The following ESRRG variants were observed in gnomAD, a reference collection of about 807,000 sequenced individuals.
The protein encoded by ESRRG is estrogen related receptor gamma.
A neutral mutation model predicts 44.0 loss-of-function variants in ESRRG; 13 were observed. The ratio of observed to expected loss-of-function variants is 0.30; its 90% CI spans 0.19 to 0.47. ESRRG has a LOEUF of 0.47. ESRRG is among the 20% of genes least tolerant of loss of function. The pLI is 1.00. For synonymous variants in ESRRG, 215 were observed against 214.6 expected (o/e 1.00, Z -0.02); for missense variants, 395 against 580.6 (o/e 0.68, Z 3.29).
intron 2 of ESRRG, among the ~76,000 whole-genome samples, chr1:216,730,426 C>T (rs1440221836): frequency 2.6e-5 from 4 of 151,760 alleles, no homozygotes; most frequent in African/African-American, 7.3e-5. Flanking sequence ...AATTATTGTC[C>T]TTTTATAAGC....
chr1:217,034,499 G>A (rs796229701), intron 1 of ESRRG, among the ~76,000 whole-genome samples: 7 of 152,252 alleles, frequency 4.6e-5, no homozygotes, highest in African/African-American at 1.7e-4. Context: ...TCCCAATTCA[G>A]TGTAGTTCTG....
chr1:217,045,749 A>G (rs1039225733), intron 1 of ESRRG, among the ~76,000 whole-genome samples: 2 of 152,118 alleles, frequency 1.3e-5, no homozygotes. Flanking sequence ...ATACATCTTC[A>G]AAACAATTTT....
intron 2 of ESRRG, among the ~76,000 whole-genome samples, chr1:216,657,065 A>G (rs2070802857): frequency 6.6e-6 from 1 of 152,208 alleles, no homozygotes; most frequent in South Asian, 2.1e-4. Flanking sequence ...TTTATTGTAT[A>G]GTGGCAAAGG....
chr1:216,603,695 G>T (rs977673360), intron 3 of ESRRG, among the ~76,000 whole-genome samples: 12 of 152,120 alleles, frequency 7.9e-5, no homozygotes, highest in African/African-American at 2.9e-4. Context: ...TTGGGAGGCC[G>T]AGGCAGGTGG....
At chr1:216,660,132 C>T (rs1473730579) in intron 2 of ESRRG, among the ~76,000 whole-genome samples, 1 of 152,118 alleles carries the variant, frequency 6.6e-6, no homozygotes, top group African/African-American at 2.4e-5. Context: ...CTTCAGCCCC[C>T]TTGTTTTATA....
chr1:216,606,092 C>T (rs1010905793), intron 3 of ESRRG, among the ~76,000 whole-genome samples: 1 of 152,172 alleles, frequency 6.6e-6, no homozygotes, highest in Admixed American at 6.5e-5. Flanking sequence ...AATGTCAGAG[C>T]TGTAACAGCA....
chr1:216,569,116 G>A (rs2060241644), intron 3 of ESRRG, among the ~76,000 whole-genome samples: 1 of 135,254 alleles, frequency 7.4e-6, no homozygotes. Context: ...AAGGAAGAAG[G>A]AAGGAAGGAA....
At chr1:216,522,062 G>C (rs1031368621) in intron 5 of ESRRG, among the ~76,000 whole-genome samples, 11 of 151,322 alleles carry the variant, frequency 7.3e-5, no homozygotes, top group African/African-American at 2.7e-4. Context: ...ATTTCTTTGG[G>C]GTTTAATTGA....
chr1:217,132,966 G>A (rs2092986606), intron 1 of ESRRG, among the ~76,000 whole-genome samples: 1 of 152,160 alleles, frequency 6.6e-6, no homozygotes, highest in African/African-American at 2.4e-5. Flanking sequence ...TTCTTGTCTA[G>A]TTTTGTCTAC....
At chr1:217,048,716 T>C (rs2085346871) in intron 1 of ESRRG, among the ~76,000 whole-genome samples, 1 of 152,172 alleles carries the variant, frequency 6.6e-6, no homozygotes, top group African/African-American at 2.4e-5. Context: ...TGTATTTCCC[T>C]GTTACCCACT....
intron 5 of ESRRG, among the ~76,000 whole-genome samples, chr1:216,544,177 A>T (rs1297006783): frequency 6.6e-6 from 1 of 152,072 alleles, no homozygotes; most frequent in Non-Finnish European, 1.5e-5. Context: ...CATTGTGCAT[A>T]TGATAATCAT....
intron 2 of ESRRG, among the ~76,000 whole-genome samples, chr1:216,675,753 A>T (rs1201319934): frequency 6.6e-6 from 1 of 152,214 alleles, no homozygotes; most frequent in African/African-American, 2.4e-5. Flanking sequence ...ATTTTCCCAG[A>T]TGATGCTGGT....
intron 5 of ESRRG, among the ~76,000 whole-genome samples, chr1:216,550,394 G>A (rs1300777834): frequency 1.3e-5 from 2 of 152,064 alleles, no homozygotes; most frequent in Non-Finnish European, 2.9e-5. Flanking sequence ...CATGTCTGAT[G>A]GATTGATTTG....
At chr1:216,595,659 G>A (rs1498275) in intron 3 of ESRRG, among the ~76,000 whole-genome samples, 3,477 of 152,214 alleles carry the variant, frequency 0.023, 143 homozygotes, top group African/African-American at 0.08. Context: ...CTAATTAGCT[G>A]TCTATTCAAG....
intron 2 of ESRRG, among the ~76,000 whole-genome samples, chr1:216,770,266 T>A (rs2152389340): frequency 6.6e-6 from 1 of 152,162 alleles, no homozygotes; most frequent in Admixed American, 6.6e-5. Flanking sequence ...GATTCAAAAG[T>A]ACCCTGTGAT....
intron 2 of ESRRG, among the ~76,000 whole-genome samples, chr1:216,841,966 A>G (rs561018458): frequency 6.8e-6 from 1 of 147,484 alleles, no homozygotes; most frequent in African/African-American, 2.5e-5. Flanking sequence ...TTCATTTTTC[A>G]AGGCTAAATT....
chr1:216,665,630 G>A (rs562338190), intron 2 of ESRRG, among the ~76,000 whole-genome samples: 2 of 152,200 alleles, frequency 1.3e-5, no homozygotes, highest in South Asian at 4.1e-4. Flanking sequence ...GCACAACCAT[G>A]AGCATATAGT....
intron 1 of ESRRG, among the ~76,000 whole-genome samples, chr1:217,057,009 G>A (rs924711381): frequency 3.9e-5 from 6 of 152,062 alleles, no homozygotes; most frequent in African/African-American, 1.4e-4. Context: ...TGAGTACAAG[G>A]GGCACATGGG....
rs533515724 is a variant in ESRRG, at chr1:216,648,257, T to A, written c.589+2716A>T. 1.8e-3 allele frequency among the ~76,000 whole-genome samples: 279 copies of A among 152,258 alleles called. 2 individuals carry two copies. Among genetic ancestry groups the A allele is most frequent in the African/African-American group, 6.0e-3 (251 of 41,566 alleles). ...ATTTCACTGCATTTTTAAAGTATAA[T>A]AGAAAAAGAATATTCCACATTTACT... On this transcript the variant is annotated intron_variant, in intron 3 of 6. Coordinates refer to ENST00000408911, the MANE Select transcript of ESRRG (RefSeq NM_001438.4).
Sources: allele counts gnomAD v4.1 joint callset (sites outside exome capture counted in the v4.1 genomes callset), GRCh38; gene constraint gnomAD v4.1.1; transcripts MANE v1.5; gene names NCBI Gene and HGNC (gene_info 2026-07-23, HGNC 2026-07-21).